Variants in PLEC observed in about 807,000 individuals in gnomAD.
PLEC encodes the protein plectin.
Under a neutral mutation model 392.8 loss-of-function variants are expected in PLEC, and 216 were observed. That is an observed-to-expected ratio of 0.55 (90% CI 0.49 to 0.62). The LOEUF is 0.62. Among genes scored for constraint, PLEC ranks in the 20% least tolerant of loss-of-function variants. The probability of loss-of-function intolerance (pLI) is 0.00; values close to 1 mark genes in which losing one functional copy is unlikely to be tolerated. For synonymous variants in PLEC, 3,621 were observed against 2,980.6 expected, an observed-to-expected ratio of 1.21 and a Z score of -7.00; for missense variants, 6,863 against 6,563.4, an observed-to-expected ratio of 1.05 and a Z score of -1.58.
Position 143,925,137 on chromosome 8 carries a change from C to T in PLEC, c.4792G>A (p.Glu1598Lys), listed in dbSNP as rs1446528107. ...AGCTGTGCCACAGCCACGTGTTCCT[C>T]CTGCAGGGAGCGCTCCAGCTGTGCC... ...KTAQLERSLQEEHVAVAQLRE... is the reference protein window; with the variant it reads ...KTAQLERSLQKEHVAVAQLRE... Residue 1598 changes from glutamate to lysine, a missense_variant, in exon 31 of 32, where the codon GAG (glutamate) becomes AAG (lysine). By Grantham distance (56) the Glu-to-Lys change is moderately conservative. Coordinates refer to ENST00000345136, the MANE Select transcript of PLEC (RefSeq NM_201384.3). The T allele has an allele frequency of 6.4e-6, 10 of 1,558,798 alleles. No individual in the cohort carries two copies. Among genetic ancestry groups the T allele is most frequent in the African/African-American group, 1.4e-5 (1 of 73,860 alleles).
At chr8:143,928,209 C>T (rs977474252) in intron 25 of PLEC, among the ~76,000 whole-genome samples, 1 of 152,250 alleles carries the variant, frequency 6.6e-6, no homozygotes, top group Non-Finnish European at 1.5e-5. Flanking sequence ...ACTCAGGACC[C>T]AGCCTGGAGA....
In PLEC at chr8:143,968,731, C is replaced by T. The variant is rs138206219; in HGVS notation, c.70+4672G>A. ...ATTTCTCAAAAGATATAAAAAATGGCCAACAATCACACCAAAGTGTTCAAC... is the reference window on the plus strand; with the variant it reads ...ATTTCTCAAAAGATATAAAAAATGGTCAACAATCACACCAAAGTGTTCAAC... On this transcript the variant is annotated intron_variant, in intron 1 of 31. Transcript: ENST00000356346. Among the ~76,000 whole-genome samples the T allele has an allele frequency of 3.6e-3, 541 of 152,142 alleles. 14 individuals are homozygous for T. The highest frequency in any genetic ancestry group is 1.7e-3 in the East Asian group (9 of 5,188).
rs782546354 is a variant in PLEC, at chr8:143,923,705, A to C, written c.6224T>G (p.Val2075Gly). Residue 2075 changes from valine (V) to glycine (G), a missense_variant, in exon 31 of 32, where the codon GTG (valine) becomes GGG (glycine). Val to Gly is a moderately radical substitution (Grantham distance 109, BLOSUM62 -3). Coordinates refer to ENST00000345136, the MANE Select transcript of PLEC (RefSeq NM_201384.3). ...LQQTLQQEQS[V>G]LDQLRGEAEA... is the part of the protein sequence containing the mutation. ...CGCCTCGCCGCGCAGCTGGTCCAGC[A>C]CGCTCTGCTCCTGCTGCAGCGTCTG... The C allele has an allele frequency of 1.9e-6, 3 of 1,545,090 alleles. No homozygotes were observed. The highest frequency in any genetic ancestry group is 1.7e-6 in the Non-Finnish European group (2 of 1,151,658).
rs782365536 is a variant in PLEC, at chr8:143,927,538, G to A, written c.3628C>T (p.Arg1210Cys). ...GGGTCTGCACTCTCGCGGTAGTAAC[G>A]CAGCTGGCGGCCCAGTTGCTCGAGC... ...RELEQLGRQL[R>C]YYRESADPLG... is the part of the protein sequence containing the mutation. Residue 1210 changes from arginine (R) to cysteine (C), a missense_variant, in exon 27 of 32, where the codon CGT becomes TGT. Coordinates refer to ENST00000345136, the MANE Select transcript of PLEC (RefSeq NM_201384.3). 34 of 1,596,572 alleles carry A rather than the reference G, an allele frequency of 2.1e-5. No homozygotes were observed. Among genetic ancestry groups the A allele is most frequent in the South Asian group, 3.3e-5 (3 of 90,872 alleles).
At chr8:143,939,266 A>C (rs895407097) in intron 1 of PLEC, 84 bp downstream of exon 1, 30 of 1,528,382 alleles carry the variant, frequency 2.0e-5, no homozygotes, top group Non-Finnish European at 2.7e-5. Context: ...AGCGGTGCCA[A>C]GGCTTTCCTG....
Position 143,927,067 on chromosome 8 carries a change from C to A in PLEC, c.3855G>T (p.Gln1285His). ...YINAIKDYEL[Q>H]LVTYKAQLEP... is the part of the protein sequence containing the mutation. The stretch of plus-strand genomic sequence containing the variant: ...CAAGCTGCGCCTTGTACGTCACCAG[C>A]TGGAGTTCATAGTCCTGTGGCAATG... The change falls in exon 29 of 32, where the codon CAG (glutamine) becomes CAT (histidine). Residue 1285 changes from glutamine (Q) to histidine (H), a missense_variant. Transcript: ENST00000345136. 6.2e-7 allele frequency: 1 copy of A among 1,611,270 alleles called. No individual in the cohort carries two copies. The highest frequency in any genetic ancestry group is 1.3e-5 in the African/African-American group (1 of 75,068).
Position 143,928,769 on chromosome 8 carries a change from G to A in PLEC, c.3260+334C>T, listed in dbSNP as rs190104083. On this transcript the variant is annotated intron_variant, in intron 25 of 31. Coordinates refer to ENST00000345136, the MANE Select transcript of PLEC (RefSeq NM_201384.3). The stretch of plus-strand genomic sequence containing the variant: ...TCCAGGCCAGGAACAGGACAGACGA[G>A]AGGCAGGGTGCAGGATTCCTTACTG... 2.8e-4 allele frequency among the ~76,000 whole-genome samples: 42 copies of A among 152,272 alleles called. 1 individual carries two copies. The highest frequency in any genetic ancestry group is 1.0e-3 in the African/African-American group (42 of 41,524).
rs1830012170 is a variant in PLEC, at chr8:143,939,524, G to A, written c.-63C>T. ...CAGGCACGGTGCTCTGGGCAGCCCCGTGTGGCACACAGGCAGCTGAAGGCT... is the reference window on the plus strand; with the variant it reads ...CAGGCACGGTGCTCTGGGCAGCCCCATGTGGCACACAGGCAGCTGAAGGCT... On this transcript the variant is annotated 5_prime_UTR_variant, in exon 1 of 32. The change creates a new upstream start codon in the 5' untranslated region. Transcript: ENST00000345136. 5.8e-6 allele frequency: 9 copies of A among 1,561,066 alleles called. No homozygotes were observed. The highest frequency in any genetic ancestry group is 1.4e-5 in the African/African-American group (1 of 73,810).
Position 143,922,145 on chromosome 8 carries a change from T to A in PLEC, c.7676A>T (p.Gln2559Leu). The change falls in exon 32 of 32, where the codon CAG becomes CTG. Residue 2559 changes from glutamine to leucine, a missense_variant. Coordinates refer to ENST00000345136, the MANE Select transcript of PLEC (RefSeq NM_201384.3). ...VASMEEARRRQHEAEEGVRRK... is the reference protein window; with the variant it reads ...VASMEEARRRLHEAEEGVRRK... The stretch of plus-strand genomic sequence containing the variant: ...CCGCACGCCCTCCTCGGCCTCATGC[T>A]GCCGCCGCCGCGCCTCCTCCATGCT... 6.5e-7 allele frequency: 1 copy of A among 1,540,036 alleles called. No individual in the cohort carries two copies. The highest frequency in any genetic ancestry group is 1.2e-5 in the South Asian group (1 of 84,898).
At position 143,916,246 on chromosome 8, in the gene PLEC, C is replaced by T. The variant is rs549882307; in HGVS notation, c.13575G>A (p.Ser4525=). The change falls in exon 32 of 32, where the codon TCG becomes TCA. Residue 4525 remains serine (S), a synonymous_variant. Coordinates refer to ENST00000345136, the MANE Select transcript of PLEC (RefSeq NM_201384.3). ...CCGAGGCGTAGCGGCGGCCGTAGCC[C>T]GAGGAGGAGTAGGAGGATGAAGAGA... ...MTFSSSSYSS[S]GYGRRYASGS... 558 of 1,547,094 alleles carry T rather than the reference C, an allele frequency of 3.6e-4. 12 individuals carry two copies. The South Asian group carries it at 6.1e-3, about 17-fold the overall frequency.
chr8:143,938,130 AG>A lies in PLEC; in HGVS notation c.264+20del. 1.3e-6 allele frequency: 2 copies of A among 1,574,880 alleles called. No homozygotes were observed. Among genetic ancestry groups the A allele is most frequent in the Non-Finnish European group, 8.6e-7 (1 of 1,157,500 alleles). On this transcript the variant is annotated intron_variant, in intron 3 of 31. Coordinates refer to ENST00000345136, the MANE Select transcript of PLEC (RefSeq NM_201384.3). ...TCCAGGTGGGGCAGGCGGGGCCCGG[AG>A]GGGGCAGGGGCACACGTACCAGGCT...
intron 12 of PLEC, 31 bp downstream of exon 12, chr8:143,933,967 C>A: frequency 1.9e-6 from 3 of 1,563,324 alleles, no homozygotes; most frequent in African/African-American, 1.4e-5. Flanking sequence ...CGGCCTCCCT[C>A]CCGCCCACTG....
At chr8:143,953,067 C>G (rs1255407995), upstream of PLEC, among the ~76,000 whole-genome samples, 3 of 145,182 alleles carry the variant, frequency 2.1e-5, no homozygotes, top group Admixed American at 6.8e-5. Context: ...GCGCCAGGGT[C>G]CAGGCGTCCC....
intron 1 of PLEC, among the ~76,000 whole-genome samples, chr8:143,972,123 C>T (rs1437970282): frequency 2.0e-5 from 3 of 152,236 alleles, no homozygotes; most frequent in African/African-American, 7.2e-5. Context: ...ACAGTTCCCG[C>T]ACTTTGAACA....
chr8:143,954,337 C>G (rs1228729778), upstream of PLEC, among the ~76,000 whole-genome samples: 1 of 151,876 alleles, frequency 6.6e-6, no homozygotes, highest in African/African-American at 2.4e-5. The surrounding 1 kb of genome is among the most constrained non-coding windows in gnomAD (Gnocchi z 4.6). Flanking sequence ...GCCCCTTCCC[C>G]GGGCGTCTCG....
Position 143,920,529 on chromosome 8 carries a change from C to A in PLEC, c.9292G>T (p.Ala3098Ser). 1 of 1,611,408 alleles carries A rather than the reference C, an allele frequency of 6.2e-7. No homozygotes were observed. The highest frequency in any genetic ancestry group is 8.5e-7 in the Non-Finnish European group (1 of 1,179,552). ...GPEFHEKLLS[A>S]EKAVTGYRDP... ...CTGTACCCTGTCACAGCCTTCTCGG[C>A]TGATAGCAGCTTCTCATGAAACTCG... Residue 3098 changes from alanine (A) to serine (S), a missense_variant, in exon 32 of 32, where the codon GCC (alanine) becomes TCC (serine). Ala to Ser is a moderately conservative substitution (Grantham distance 99). Coordinates refer to ENST00000345136, the MANE Select transcript of PLEC (RefSeq NM_201384.3).
At position 143,923,667 on chromosome 8, in the gene PLEC, G is replaced by GC; in HGVS notation, c.6261dup (p.Arg2088AlafsTer4). 6.4e-7 allele frequency: 1 copy of GC among 1,560,090 alleles called. No homozygotes were observed. The highest frequency in any genetic ancestry group is 8.6e-7 in the Non-Finnish European group (1 of 1,159,832). On this transcript the variant is annotated frameshift_variant, in exon 31 of 32. Transcript: ENST00000345136. LOFTEE classifies it high-confidence loss of function. The stretch of plus-strand genomic sequence containing the variant: ...GCCTCCTCCGCCTCCTCAGCCGCCC[G>GC]CCGGGCCGCCTCCGCCTCGCCGCGC...
At chr8:143,949,334 G>T (rs191749248) in intron 1 of PLEC, among the ~76,000 whole-genome samples, 13 of 152,336 alleles carry the variant, frequency 8.5e-5, no homozygotes, top group South Asian at 4.1e-4. Context: ...GGGCCATCCG[G>T]AGCCAGCACG....
At chr8:143,937,472 G>A (rs1554724453) in intron 3 of PLEC, among the ~76,000 whole-genome samples, 1 of 152,178 alleles carries the variant, frequency 6.6e-6, no homozygotes, top group African/African-American at 2.4e-5. Flanking sequence ...GGGAAGGAAG[G>A]AAGGGGTGGG....
Sources: allele counts gnomAD v4.1 joint callset (sites outside exome capture counted in the v4.1 genomes callset), GRCh38; gene constraint gnomAD v4.1.1; non-coding constraint Gnocchi (gnomAD v3.1); transcripts MANE v1.5; gene names NCBI Gene and HGNC (gene_info 2026-07-23, HGNC 2026-07-21).